Variants in ERI1 observed in about 807,000 individuals in gnomAD.
The protein encoded by ERI1 is 3'-5' exoribonuclease 1.
Under a neutral mutation model 39.7 loss-of-function variants are expected in ERI1, and 39 were observed. The ratio of observed to expected loss-of-function variants is 0.98; its 90% CI spans 0.76 to 1.28. ERI1 has a LOEUF of 1.28. ERI1 is among the 50% of genes most tolerant of loss of function. The pLI, the probability that ERI1 is intolerant of heterozygous loss-of-function variation, is 0.00. For synonymous variants in ERI1, 204 were observed against 149.6 expected (o/e 1.36, Z -2.65); for missense variants, 581 against 416.9 (o/e 1.39, Z -3.43).
intron 3 of ERI1, among the ~76,000 whole-genome samples, chr8:9,059,907 G>A (rs1798635737): frequency 6.6e-6 from 1 of 152,164 alleles, no homozygotes; most frequent in Non-Finnish European, 1.5e-5. Context: ...GTCCAAGTTG[G>A]TCTGGTGTCT....
intron 3 of ERI1, among the ~76,000 whole-genome samples, chr8:9,045,292 T>C (rs1798141590): frequency 1.3e-5 from 2 of 150,576 alleles, no homozygotes; most frequent in African/African-American, 4.9e-5. Flanking sequence ...AGCTGGCTTC[T>C]CAGATTTCCA....
chr8:9,022,347 G>T (rs1395995427), intron 6 of ERI1, among the ~76,000 whole-genome samples: 2 of 151,962 alleles, frequency 1.3e-5, no homozygotes, highest in African/African-American at 4.8e-5. Context: ...TTTACTTTGG[G>T]TGCTAGTCCT....
rs575834017 is a variant in ERI1 at position 9,055,972 on chromosome 8, A to G, written n.299+35508A>G. On this transcript the variant is annotated intron_variant and non_coding_transcript_variant, in intron 3 of 3. Coordinates refer to the ERI1 transcript ENST00000518663. ...AATGAGGGGCAAGAGACAGAAAGGC[A>G]GGGGAAGGTCAGAGAGAAACTTCAC... 3.3e-5 allele frequency among the ~76,000 whole-genome samples: 5 copies of G among 152,316 alleles called. No individual in the cohort carries two copies. In the East Asian group the frequency reaches 9.6e-4, roughly 29 times the overall value.
chr8:9,021,659 CTTA>C (rs1039445418), intron 6 of ERI1, among the ~76,000 whole-genome samples: 20 of 151,406 alleles, frequency 1.3e-4, no homozygotes, highest in African/African-American at 4.6e-4. Flanking sequence ...TAATCATTTT[CTTA>C]TTATTCCTTA....
intron 6 of ERI1, among the ~76,000 whole-genome samples, chr8:9,029,341 GT>G (rs1050574519): frequency 1.3e-5 from 2 of 151,940 alleles, no homozygotes; most frequent in African/African-American, 2.4e-5. Context: ...AAATTTCAGG[GT>G]TTTTTTGATG....
intron 3 of ERI1, among the ~76,000 whole-genome samples, chr8:9,061,220 A>G (rs1260927849): frequency 6.6e-6 from 1 of 152,184 alleles, no homozygotes; most frequent in Non-Finnish European, 1.5e-5. Context: ...GGTGAGGAGC[A>G]GGAAGGAAGG....
chr8:9,083,112 C>G (rs889607015), intron 3 of ERI1, among the ~76,000 whole-genome samples: 19 of 152,026 alleles, frequency 1.2e-4, no homozygotes, highest in African/African-American at 4.4e-4. Flanking sequence ...TGCTGATAAC[C>G]CTAGAAAAGC....
chr8:9,079,065 C>G (rs564175059), intron 3 of ERI1, among the ~76,000 whole-genome samples: 10 of 152,086 alleles, frequency 6.6e-5, no homozygotes, highest in African/African-American at 2.4e-4. Context: ...GGCAAGAAGA[C>G]AGGATGTTGA....
intron 3 of ERI1, among the ~76,000 whole-genome samples, chr8:9,089,167 C>T (rs779003375): frequency 6.6e-6 from 1 of 152,190 alleles, no homozygotes; most frequent in African/African-American, 2.4e-5. Context: ...CACTGAGTTT[C>T]TCTCACCTGT....
rs532304108 is a variant in ERI1 at position 9,022,426 on chromosome 8, A to T, written c.807+1962A>T. On this transcript the variant is annotated intron_variant, in intron 6 of 6. Transcript: ENST00000250263. ...TTTGGTTTATTTGTCTTTGAGATGA[A>T]GTCTCATTCTGTTGCCCAGGTTGGA... is the stretch of plus-strand genomic sequence containing the variant. 4.0e-4 allele frequency among the ~76,000 whole-genome samples: 61 copies of T among 152,200 alleles called. 1 individual carries two copies. The South Asian group carries it at 0.012, about 29-fold the overall frequency.
chr8:9,047,762 G>A (rs879637180), intron 3 of ERI1, among the ~76,000 whole-genome samples: 2 of 152,042 alleles, frequency 1.3e-5, no homozygotes, highest in Admixed American at 1.3e-4. Context: ...TTCCAACAGA[G>A]CAGTTCCACC....
intron 3 of ERI1, among the ~76,000 whole-genome samples, chr8:9,079,718 G>T (rs976528509): frequency 2.0e-5 from 3 of 152,250 alleles, no homozygotes; most frequent in African/African-American, 7.2e-5. Context: ...CTGTCATCCA[G>T]GCTGGAGTGC....
chr8:9,075,247 G>A (rs978354004), intron 3 of ERI1, among the ~76,000 whole-genome samples: 3 of 152,196 alleles, frequency 2.0e-5, no homozygotes, highest in African/African-American at 7.2e-5. Flanking sequence ...AGTTTTGCAA[G>A]CAAGGTGAAA....
chr8:9,014,413 C>G (rs530501402), intron 3 of ERI1, among the ~76,000 whole-genome samples: 2 of 152,274 alleles, frequency 1.3e-5, no homozygotes, highest in South Asian at 2.1e-4. Context: ...TCTGACCCCC[C>G]TTACTGCTCT....
intron 6 of ERI1, among the ~76,000 whole-genome samples, chr8:9,029,088 A>C (rs181476903): frequency 5.7e-4 from 86 of 151,966 alleles, no homozygotes; most frequent in African/African-American, 1.9e-3. Flanking sequence ...TAGCCATCCA[A>C]AAAGGCTAGT....
At chr8:9,004,689 T>G (rs1395717175) in intron 1 of ERI1, among the ~76,000 whole-genome samples, 2 of 149,236 alleles carry the variant, frequency 1.3e-5, no homozygotes, top group African/African-American at 4.9e-5. Context: ...TGATACTTTT[T>G]TTTTTTTTTT....
At chr8:9,033,862 T>A (rs1392135396), downstream of ERI1, among the ~76,000 whole-genome samples, 1 of 113,076 alleles carries the variant, frequency 8.8e-6, no homozygotes, top group Non-Finnish European at 1.9e-5. Flanking sequence ...AACATCTTCC[T>A]GTATGGTTTA....
At chr8:9,022,122 T>C (rs76429107) in intron 6 of ERI1, among the ~76,000 whole-genome samples, 359 of 152,248 alleles carry the variant, frequency 2.4e-3, no homozygotes, top group African/African-American at 8.4e-3. Context: ...CAGTGCTATG[T>C]GAGTTTATAG....
intron 3 of ERI1, among the ~76,000 whole-genome samples, chr8:9,066,687 T>A (rs1462935210): frequency 6.6e-6 from 1 of 152,214 alleles, no homozygotes; most frequent in East Asian, 1.9e-4. Context: ...ACATTTTAAG[T>A]ATTCTATTTT....
Sources: gnomAD v4.1 joint callset for allele counts (sites outside exome capture counted in the v4.1 genomes callset) on GRCh38, gnomAD v4.1.1 for gene constraint, MANE v1.5 for transcripts, NCBI Gene and HGNC (gene_info 2026-07-23, HGNC 2026-07-21) for gene names.